LAMA3: variants seen among roughly 807,000 people sequenced by gnomAD.
LAMA3 encodes laminin subunit alpha 3, also known as laminin subunit alpha-3.
A neutral mutation model predicts 402.0 loss-of-function variants in LAMA3; 281 were observed. The observed-to-expected ratio is 0.70, with a 90% CI of 0.63 to 0.77. The LOEUF is 0.77. Ranked by LOEUF, LAMA3 falls within the 30% of genes least tolerant of loss-of-function variation. The probability of loss-of-function intolerance (pLI) is 0.00; values close to 1 mark genes in which losing one functional copy is unlikely to be tolerated. For synonymous variants in LAMA3, 1,431 were observed against 1,558.4 expected (o/e 0.92, Z 1.93); for missense variants, 3,840 against 4,215.5 (o/e 0.91, Z 2.47).
chr18:23,945,328 G>A (rs1036126104), intron 69 of LAMA3, among the ~76,000 whole-genome samples: 5 of 152,152 alleles, frequency 3.3e-5, no homozygotes, highest in Admixed American at 6.5e-5. Flanking sequence ...AGAACCACGC[G>A]GCCTTGCTGA....
chr18:23,728,526 C>T (rs2061336428), intron 2 of LAMA3, among the ~76,000 whole-genome samples: 1 of 152,180 alleles, frequency 6.6e-6, no homozygotes, highest in Non-Finnish European at 1.5e-5. Flanking sequence ...ATCTTCTTAG[C>T]TCTGAGATGC....
At chr18:23,716,074 A>C (rs967147552) in intron 2 of LAMA3, among the ~76,000 whole-genome samples, 29 of 152,194 alleles carry the variant, frequency 1.9e-4, no homozygotes, top group Non-Finnish European at 3.2e-4. Context: ...CCTTTCAACT[A>C]TAAGTTAGTC....
chr18:23,940,597 G>A (rs944238819), intron 68 of LAMA3, among the ~76,000 whole-genome samples: 5 of 152,214 alleles, frequency 3.3e-5, no homozygotes, highest in African/African-American at 9.6e-5. Context: ...CTTGCAGGGA[G>A]GAGAGGTCAT....
chr18:23,811,660 G>A lies in LAMA3; in HGVS notation c.1741+1157G>A, dbSNP rs373033405. On this transcript the variant is annotated intron_variant, in intron 13 of 74. Transcript: ENST00000313654. ...TGGAGAGGAACCCGAGGTTGGGCAT[G>A]GAAAACAAACAGCTGGAAATTTGTG... Among the ~76,000 whole-genome samples, 499 of 152,170 alleles carry A rather than the reference G, an allele frequency of 3.3e-3. 2 individuals are homozygous for A. Among genetic ancestry groups the A allele is most frequent in the African/African-American group, 0.011 (476 of 41,532 alleles).
At chr18:23,842,824 C>T in intron 29 of LAMA3, 74 bp downstream of exon 29, 1 of 1,574,396 alleles carries the variant, frequency 6.4e-7, no homozygotes, top group Non-Finnish European at 8.7e-7. Flanking sequence ...CTGTTTAGCT[C>T]ATGGAAATAA....
At chr18:23,806,921 C>T (rs910327067) in intron 12 of LAMA3, among the ~76,000 whole-genome samples, 1 of 152,198 alleles carries the variant, frequency 6.6e-6, no homozygotes, top group Non-Finnish European at 1.5e-5. Flanking sequence ...TTAGGAGCAA[C>T]CAGCCAAGTT....
At chr18:23,801,498 A>C (rs1442785761) in intron 12 of LAMA3, among the ~76,000 whole-genome samples, 1 of 152,080 alleles carries the variant, frequency 6.6e-6, no homozygotes, top group Admixed American at 6.5e-5. Flanking sequence ...GAGCCTAAAA[A>C]CCTCCATGGG....
intron 47 of LAMA3, among the ~76,000 whole-genome samples, chr18:23,900,336 G>T (rs1358555286): frequency 1.3e-5 from 2 of 152,156 alleles, no homozygotes; most frequent in Non-Finnish European, 2.9e-5. Context: ...CTCCCAGTGT[G>T]CTGAGATTAC....
chr18:23,875,352 A>G (rs945447534), intron 38 of LAMA3, among the ~76,000 whole-genome samples: 1 of 152,220 alleles, frequency 6.6e-6, no homozygotes, highest in Non-Finnish European at 1.5e-5. Flanking sequence ...AGAAAATTAT[A>G]ATTCTTTTCA....
At chr18:23,712,576 G>A (rs1454254153) in intron 1 of LAMA3, among the ~76,000 whole-genome samples, 4 of 150,152 alleles carry the variant, frequency 2.7e-5, no homozygotes, top group African/African-American at 9.8e-5. Flanking sequence ...AGGAAGTGGC[G>A]GGGCCACATA....
chr18:23,855,461 C>T (rs999151906), intron 32 of LAMA3, among the ~76,000 whole-genome samples: 3 of 152,216 alleles, frequency 2.0e-5, no homozygotes, highest in Non-Finnish European at 4.4e-5. Flanking sequence ...TTGTGCTCCA[C>T]ACTCGCTGTC....
At chr18:23,952,379 G>C (rs1434462018) in intron 73 of LAMA3, among the ~76,000 whole-genome samples, 1 of 152,120 alleles carries the variant, frequency 6.6e-6, no homozygotes, top group Admixed American at 6.5e-5. Flanking sequence ...TAGACAACCC[G>C]ATGAGTAGAG....
Position 23,708,896 on chromosome 18 carries a change from T to C in LAMA3, c.295-5024T>C, listed in dbSNP as rs149155067. On this transcript the variant is annotated intron_variant, in intron 1 of 74. Coordinates refer to ENST00000313654, the MANE Select transcript of LAMA3 (RefSeq NM_198129.4). ...TCCCAGTCTCCCAAGTAGCTGGGAC[T>C]GCAAACACATACCACCACACCTGGC... Among the ~76,000 whole-genome samples the C allele has an allele frequency of 7.1e-4, 106 of 150,084 alleles. 1 individual carries two copies. The East Asian group carries it at 0.02, about 28-fold the overall frequency.
intron 73 of LAMA3, among the ~76,000 whole-genome samples, 198 bp from the exon 74 acceptor site, chr18:23,952,792 G>C (rs568017401): frequency 6.6e-6 from 1 of 152,292 alleles, no homozygotes; most frequent in East Asian, 1.9e-4. Flanking sequence ...TTCATTTTAA[G>C]GGTAAAATTC....
intron 60 of LAMA3, among the ~76,000 whole-genome samples, chr18:23,919,390 G>T (rs189694531): frequency 1.3e-5 from 2 of 152,224 alleles, no homozygotes. Context: ...GTTTCACACC[G>T]TAATGGAGAT....
chr18:23,891,527 T>G (rs1378773582), intron 42 of LAMA3, among the ~76,000 whole-genome samples: 1 of 152,164 alleles, frequency 6.6e-6, no homozygotes, highest in Non-Finnish European at 1.5e-5. Context: ...GGGGTGAAAT[T>G]CCCTGGTCTT....
intron 1 of LAMA3, among the ~76,000 whole-genome samples, chr18:23,697,161 C>A (rs1788773): frequency 0.11 from 16,814 of 152,158 alleles, 1,771 homozygotes; most frequent in African/African-American, 0.25. Context: ...CAGAGAAGAA[C>A]TTCCTGTGCT....
chr18:23,697,598 C>T (rs1484797860), intron 1 of LAMA3, among the ~76,000 whole-genome samples: 2 of 152,122 alleles, frequency 1.3e-5, no homozygotes, highest in Admixed American at 1.3e-4. Context: ...TTTTGAGTGC[C>T]AGCATGACGT....
intron 2 of LAMA3, among the ~76,000 whole-genome samples, chr18:23,730,885 G>A (rs192980233): frequency 5.9e-5 from 9 of 152,104 alleles, no homozygotes; most frequent in Admixed American, 1.3e-4. Flanking sequence ...AAATATTTCT[G>A]AGTCATGTTG....
Sources: allele counts gnomAD v4.1 joint callset (sites outside exome capture counted in the v4.1 genomes callset), GRCh38; gene constraint gnomAD v4.1.1; transcripts MANE v1.5; gene names NCBI Gene and HGNC (gene_info 2026-07-23, HGNC 2026-07-21).